The following GALNTL6 variants were observed in gnomAD, a reference collection of about 807,000 sequenced individuals.
GALNTL6 encodes the protein polypeptide N-acetylgalactosaminyltransferase like 6.
Under a neutral mutation model 73.7 loss-of-function variants are expected in GALNTL6, and 46 were observed. That is an observed-to-expected ratio of 0.62 (90% CI 0.49 to 0.80). The LOEUF (loss-of-function observed/expected upper bound fraction) is 0.80, where lower values mean the gene tolerates loss of function less well. Among genes scored for constraint, GALNTL6 ranks in the 30% least tolerant of loss-of-function variants. GALNTL6 has a pLI of 0.00. For synonymous variants in GALNTL6, 259 were observed against 263.7 expected (o/e 0.98, Z 0.17); for missense variants, 604 against 755.0 (o/e 0.80, Z 2.34).
intron 3 of GALNTL6, among the ~76,000 whole-genome samples, chr4:172,245,722 G>A (rs942449656): frequency 6.6e-6 from 1 of 152,146 alleles, no homozygotes; most frequent in African/African-American, 2.4e-5. Flanking sequence ...AAATTTGTCA[G>A]TGATGAGTTA....
At chr4:172,851,932 G>C (rs1165442276) in intron 7 of GALNTL6, among the ~76,000 whole-genome samples, 2 of 152,108 alleles carry the variant, frequency 1.3e-5, no homozygotes, top group Admixed American at 6.6e-5. Flanking sequence ...GCAGCCAGCT[G>C]GTGGTAGAGA....
At chr4:172,118,722 A>C (rs113627945) in intron 2 of GALNTL6, among the ~76,000 whole-genome samples, 5,953 of 151,524 alleles carry the variant, frequency 0.039, 206 homozygotes, top group Non-Finnish European at 0.058. Context: ...AAAAAAAAAA[A>C]CCAAAAAACA....
rs946154809 is a variant in GALNTL6 at position 172,772,438 on chromosome 4, T to A, written c.554-36923T>A. On this transcript the variant is annotated intron_variant, in intron 5 of 12. Transcript: ENST00000506823. ...ATAGCTATAGATCTAATTCTTATGA[T>A]ACATGAAAACATTTTTAGGAGAAAT... Among the ~76,000 whole-genome samples the A allele has an allele frequency of 2.0e-5, 3 of 152,310 alleles. No homozygotes were observed. In the South Asian group the frequency reaches 6.2e-4, roughly 32 times the overall value.
intron 5 of GALNTL6, among the ~76,000 whole-genome samples, chr4:172,438,956 G>A (rs906263637): frequency 2.0e-5 from 3 of 151,928 alleles, no homozygotes; most frequent in African/African-American, 7.3e-5. Flanking sequence ...CTATGCCTAT[G>A]AATGAATATC....
intron 8 of GALNTL6, among the ~76,000 whole-genome samples, chr4:172,929,219 C>T (rs1748207637): frequency 6.6e-6 from 1 of 152,196 alleles, no homozygotes; most frequent in African/African-American, 2.4e-5. Context: ...ATTACAGCAA[C>T]TGAATGTTGC....
chr4:172,583,139 TACACACACACACAA>T (rs1560820683), intron 5 of GALNTL6, among the ~76,000 whole-genome samples: 1 of 148,176 alleles, frequency 6.7e-6, no homozygotes, highest in Non-Finnish European at 1.5e-5. Context: ...AATTCACACA[TACACACACACACAA>T]ACACACTCAC....
chr4:171,927,816 A>C (rs74677199), intron 2 of GALNTL6, among the ~76,000 whole-genome samples: 1,626 of 152,224 alleles, frequency 0.011, 29 homozygotes, highest in African/African-American at 0.037. Context: ...TGATCTTTGC[A>C]TGGTTGTCTC....
chr4:172,412,717 T>C (rs962128877), intron 5 of GALNTL6, among the ~76,000 whole-genome samples: 3 of 152,164 alleles, frequency 2.0e-5, no homozygotes, highest in African/African-American at 7.2e-5. Context: ...GGAAATCAAT[T>C]ATTTCACACC....
At position 172,606,617 on chromosome 4, in the gene GALNTL6, TA is replaced by T. The variant is rs1372192709; in HGVS notation, c.554-202743del. Among the ~76,000 whole-genome samples, 22 of 28,588 alleles carry T rather than the reference TA, an allele frequency of 7.7e-4. No homozygotes were observed. The Admixed American group carries it at 8.2e-3, about 11-fold the overall frequency. The allele number at this position is 28,588 out of a possible 152,430, so 18.8% of individuals were successfully genotyped here. ...ACACATATATACATATATACATATA[TA>T]GTATATATATACTATATATATACTA... On this transcript the variant is annotated intron_variant, in intron 5 of 12. Transcript: ENST00000506823.
intron 2 of GALNTL6, among the ~76,000 whole-genome samples, chr4:171,890,890 G>A (rs1460503526): frequency 6.6e-6 from 1 of 152,058 alleles, no homozygotes; most frequent in East Asian, 1.9e-4. Flanking sequence ...CAGATTTCTT[G>A]TTTTGCTAAT....
chr4:172,061,945 C>CTTT lies in GALNTL6; in HGVS notation c.139-167693_139-167691dup, dbSNP rs11284710. ...CTTTTGAGCTTGGTATTTTTATCCACTTTTTTTTTTTTTTTTTTTTGAGAC... is the reference window on the plus strand; with the variant it reads ...CTTTTGAGCTTGGTATTTTTATCCACTTTTTTTTTTTTTTTTTTTTTTTGAGAC... On this transcript the variant is annotated intron_variant, in intron 2 of 12. Coordinates refer to ENST00000506823, the MANE Select transcript of GALNTL6 (RefSeq NM_001034845.3). Among the ~76,000 whole-genome samples the CTTT allele has an allele frequency of 1.2e-3, 137 of 114,684 alleles. 1 individual carries two copies. Among genetic ancestry groups the CTTT allele is most frequent in the East Asian group, 2.3e-3 (9 of 3,958 alleles). 75.2% of individuals were successfully genotyped at this position (114,684 alleles called of 152,430 possible).
At chr4:172,215,643 G>C (rs1736471359) in intron 2 of GALNTL6, among the ~76,000 whole-genome samples, 1 of 151,948 alleles carries the variant, frequency 6.6e-6, no homozygotes, top group Non-Finnish European at 1.5e-5. Context: ...AAGTTTAGTT[G>C]AGAATTATGT....
At chr4:172,774,163 T>A (rs1738937341) in intron 5 of GALNTL6, among the ~76,000 whole-genome samples, 1 of 152,222 alleles carries the variant, frequency 6.6e-6, no homozygotes, top group Non-Finnish European at 1.5e-5. Context: ...TTTAGATACA[T>A]TCCAGTGTTC....
intron 2 of GALNTL6, among the ~76,000 whole-genome samples, chr4:171,846,029 A>T (rs1735358957): frequency 6.6e-6 from 1 of 152,202 alleles, no homozygotes; most frequent in Admixed American, 6.5e-5. Context: ...TTCACTTTTC[A>T]AATCAGGGAT....
intron 9 of GALNTL6, among the ~76,000 whole-genome samples, chr4:172,947,902 T>C (rs977047817): frequency 6.6e-6 from 1 of 152,242 alleles, no homozygotes; most frequent in African/African-American, 2.4e-5. Flanking sequence ...GTACAGTCTA[T>C]AAAAGACCAA....
intron 8 of GALNTL6, among the ~76,000 whole-genome samples, chr4:172,927,211 G>A (rs1049085452): frequency 1.3e-5 from 2 of 152,166 alleles, no homozygotes; most frequent in African/African-American, 4.8e-5. Flanking sequence ...CAGAGGTGAT[G>A]CACATCACTT....
chr4:171,971,295 C>T (rs1739562004), intron 2 of GALNTL6, among the ~76,000 whole-genome samples: 1 of 152,178 alleles, frequency 6.6e-6, no homozygotes, highest in African/African-American at 2.4e-5. Flanking sequence ...CTAGAAATGC[C>T]TCTTTGAGGT....
intron 7 of GALNTL6, among the ~76,000 whole-genome samples, chr4:172,829,177 T>G (rs1024480247): frequency 8.5e-5 from 13 of 152,156 alleles, no homozygotes; most frequent in Non-Finnish European, 1.6e-4. Flanking sequence ...GCCATCCACC[T>G]ACATGCACTC....
Position 172,952,229 on chromosome 4 carries a change from G to A in GALNTL6, c.1342G>A (p.Val448Met), listed in dbSNP as rs1296628437. The change falls in exon 10 of 13, where the codon GTG (valine) becomes ATG (methionine). Residue 448 changes from valine to methionine, a missense_variant. By Grantham distance (21) the Val-to-Met change is conservative. Around this residue, in one of 5 missense-constraint regions of GALNTL6, gnomAD observed 261 missense variants for 296.5 expected, o/e 0.88. Coordinates refer to ENST00000506823, the MANE Select transcript of GALNTL6 (RefSeq NM_001034845.3). The stretch of plus-strand genomic sequence containing the variant: ...GGACGTGCCTAAATACTACCCTCCA[G>A]TGGAGCCCCCGCCTGCTGCCTGGGG... Reference protein sequence around the residue: ...AWDVPKYYPPVEPPPAAWGEI... With the variant: ...AWDVPKYYPPMEPPPAAWGEI... 20 of 1,613,950 alleles carry A rather than the reference G, an allele frequency of 1.2e-5. No homozygotes were observed. The highest frequency in any genetic ancestry group is 3.3e-5 in the Admixed American group (2 of 60,004).
Sources: allele counts gnomAD v4.1 joint callset (sites outside exome capture counted in the v4.1 genomes callset), GRCh38; gene constraint gnomAD v4.1.1; regional missense constraint gnomAD v4.1.1; transcripts MANE v1.5; gene names NCBI Gene and HGNC (gene_info 2026-07-23, HGNC 2026-07-21).